The following PPP6R2 variants were observed in gnomAD, a reference collection of about 807,000 sequenced individuals.
The protein encoded by PPP6R2 is protein phosphatase 6 regulatory subunit 2, also known as serine/threonine-protein phosphatase 6 regulatory subunit 2.
A neutral mutation model predicts 100.2 loss-of-function variants in PPP6R2; 62 were observed. That is an observed-to-expected ratio of 0.62 (90% CI 0.50 to 0.76). The LOEUF (loss-of-function observed/expected upper bound fraction) is 0.76, where lower values mean the gene tolerates loss of function less well. Among genes scored for constraint, PPP6R2 ranks in the 30% least tolerant of loss-of-function variants. The probability of loss-of-function intolerance (pLI) is 0.00; values close to 1 mark genes in which losing one functional copy is unlikely to be tolerated. For synonymous variants in PPP6R2, 525 were observed against 514.7 expected (o/e 1.02, Z -0.27); for missense variants, 1,142 against 1,276.3 (o/e 0.89, Z 1.60).
In PPP6R2 at chr22:50,438,202, G is replaced by A; in HGVS notation, c.1868G>A (p.Cys623Tyr). 6.2e-7 allele frequency: 1 copy of A among 1,613,886 alleles called. No individual in the cohort carries two copies. The change falls in exon 18 of 24, where the codon TGC becomes TAC. Residue 623 changes from cysteine to tyrosine, a missense_variant. By Grantham distance (194) the Cys-to-Tyr change is radical (BLOSUM62 -2). This residue lies in a region of PPP6R2 where 550 missense variants were observed against 517.4 expected (regional missense o/e 1.06). Coordinates refer to ENST00000612753, the MANE Select transcript of PPP6R2 (RefSeq NM_001242898.2). Reference protein sequence around the residue: ...SPSAALFEACCSDRIQPFDDD... With the variant: ...SPSAALFEACYSDRIQPFDDD... ...AGCGCAGCTCTGTTTGAGGCCTGCTGCAGTGACCGCATCCAGCCCTTTGAT... is the reference window on the plus strand; with the variant it reads ...AGCGCAGCTCTGTTTGAGGCCTGCTACAGTGACCGCATCCAGCCCTTTGAT...
intron 1 of PPP6R2, among the ~76,000 whole-genome samples, chr22:50,362,952 G>A (rs2048075443): frequency 1.3e-5 from 2 of 152,258 alleles, no homozygotes; most frequent in African/African-American, 4.8e-5. Flanking sequence ...TGGAGGGCAA[G>A]AAGGTGGCTG....
chr22:50,441,601 A>G (rs904001198), intron 22 of PPP6R2, among the ~76,000 whole-genome samples: 57 of 152,288 alleles, frequency 3.7e-4, no homozygotes, highest in African/African-American at 1.3e-3. Flanking sequence ...CACTGGGGGC[A>G]TCCAAATCCT....
At chr22:50,418,168 G>A (rs981313040) in intron 6 of PPP6R2, among the ~76,000 whole-genome samples, 12 of 152,066 alleles carry the variant, frequency 7.9e-5, no homozygotes, top group African/African-American at 2.4e-4. Flanking sequence ...ATTTCAAAAC[G>A]TGGATCACAG....
chr22:50,351,469 C>T (rs1218247310), intron 1 of PPP6R2, among the ~76,000 whole-genome samples: 15 of 151,110 alleles, frequency 9.9e-5, no homozygotes, highest in Non-Finnish European at 1.5e-5. Flanking sequence ...TTGACTTACC[C>T]TGTCTAGCTA....
In PPP6R2 at chr22:50,444,257, C is replaced by G; in HGVS notation, c.*10C>G. The G allele has an allele frequency of 6.2e-7, 1 of 1,612,492 alleles. No homozygotes were observed. The highest frequency in any genetic ancestry group is 1.1e-5 in the South Asian group (1 of 90,898). Reference sequence around the variant, plus strand: ...AAATGGCCCAGTGTGATGCTGCTGCCGCCCGGCCACGGCCCACCCTGGTCA... The same window carrying G: ...AAATGGCCCAGTGTGATGCTGCTGCGGCCCGGCCACGGCCCACCCTGGTCA... On this transcript the variant is annotated 3_prime_UTR_variant, in exon 24 of 24. Transcript: ENST00000612753.
In PPP6R2 at chr22:50,437,906, C is replaced by G; in HGVS notation, c.1839+6C>G. 6.4e-7 allele frequency: 1 copy of G among 1,557,662 alleles called. No individual in the cohort carries two copies. Among genetic ancestry groups the G allele is most frequent in the Non-Finnish European group, 8.7e-7 (1 of 1,150,834 alleles). On this transcript the variant is annotated splice_donor_region_variant and intron_variant, in intron 17 of 23. Transcript: ENST00000612753. Reference sequence around the variant, plus strand: ...TCGACGCTGACGAGGACAGTGTGAGCAAGCCGGGCTGTGTGGGGTGCCGCC... The same window carrying G: ...TCGACGCTGACGAGGACAGTGTGAGGAAGCCGGGCTGTGTGGGGTGCCGCC...
chr22:50,383,227 T>G (rs2053504921), intron 2 of PPP6R2, among the ~76,000 whole-genome samples: 1 of 152,136 alleles, frequency 6.6e-6, no homozygotes. Flanking sequence ...TCAAAGATCT[T>G]GTTTTAAGAT....
chr22:50,437,747 C>G (rs2064677851), intron 16 of PPP6R2, 96 bp from the exon 17 acceptor site: 1 of 1,451,286 alleles, frequency 6.9e-7, no homozygotes, highest in African/African-American at 1.4e-5. Context: ...TGTGAGGGTG[C>G]TGAGGCCCCC....
Position 50,423,415 on chromosome 22 carries a change from C to T in PPP6R2, c.973-47C>T. On this transcript the variant is annotated intron_variant, in intron 9 of 23. Transcript: ENST00000612753. This position sits in a 1 kb window ranked among gnomAD's most constrained non-coding sequence, Gnocchi z 4.8. ...TGAGCCCAGAGACTCCAGCAGTGGC[C>T]TCACTGCTCACAGGGCCTAACTGGG... is the stretch of plus-strand genomic sequence containing the variant. 1 of 1,607,930 alleles carries T rather than the reference C, an allele frequency of 6.2e-7. No homozygotes were observed. The highest frequency in any genetic ancestry group is 8.5e-7 in the Non-Finnish European group (1 of 1,174,856).
intron 3 of PPP6R2, among the ~76,000 whole-genome samples, chr22:50,405,462 G>T (rs1409179332): frequency 6.9e-6 from 1 of 143,980 alleles, no homozygotes; most frequent in Non-Finnish European, 1.5e-5. Context: ...GGAGAGAGGT[G>T]AGAGGCCTGG....
chr22:50,410,772 T>C (rs926763214), intron 4 of PPP6R2, among the ~76,000 whole-genome samples: 1 of 151,994 alleles, frequency 6.6e-6, no homozygotes, highest in Non-Finnish European at 1.5e-5. Flanking sequence ...GGAGGAAACA[T>C]GTCAAAGCAT....
chr22:50,435,488 T>C (rs2064033256), intron 13 of PPP6R2, among the ~76,000 whole-genome samples: 1 of 152,184 alleles, frequency 6.6e-6, no homozygotes, highest in South Asian at 2.1e-4. Context: ...CACTCAGGTG[T>C]GAGATTTCGT....
chr22:50,350,345 C>T (rs909187923), intron 1 of PPP6R2, among the ~76,000 whole-genome samples: 5 of 151,198 alleles, frequency 3.3e-5, no homozygotes, highest in African/African-American at 1.2e-4. Context: ...ATTCTCCTGC[C>T]TCAGCCTCCT....
intron 6 of PPP6R2, 61 bp downstream of exon 6, chr22:50,416,218 A>G (rs553481032): frequency 4.1e-6 from 6 of 1,466,678 alleles, no homozygotes; most frequent in Admixed American, 3.4e-5. Flanking sequence ...CAGGTCACCC[A>G]CTGCTGCGGG....
chr22:50,352,424 CA>C (rs1391446710), intron 1 of PPP6R2, among the ~76,000 whole-genome samples: 4 of 152,054 alleles, frequency 2.6e-5, no homozygotes, highest in African/African-American at 7.2e-5. Context: ...GTCTTCTCTC[CA>C]AACCATTAAA....
rs1180054973 is a variant in PPP6R2, at chr22:50,378,676, G to A, written c.-17+6526G>A. On this transcript the variant is annotated intron_variant, in intron 2 of 23. Transcript: ENST00000612753. ...CCAATGCAATAGTTTTAAGAGGTGG[G>A]GCTTACCAGCCTGAGCAACATGGTG... Among the ~76,000 whole-genome samples, 9 of 151,006 alleles carry A rather than the reference G, an allele frequency of 6.0e-5. No individual in the cohort carries two copies. In the South Asian group the frequency reaches 8.3e-4, roughly 14 times the overall value.
chr22:50,409,768 C>T (rs2059483918), intron 4 of PPP6R2, among the ~76,000 whole-genome samples: 1 of 152,170 alleles, frequency 6.6e-6, no homozygotes, highest in Non-Finnish European at 1.5e-5. Flanking sequence ...GCTTTGTTGC[C>T]AAGGCTGGAG....
chr22:50,376,859 C>T (rs1201417313), intron 2 of PPP6R2, among the ~76,000 whole-genome samples: 5 of 151,962 alleles, frequency 3.3e-5, no homozygotes, highest in Non-Finnish European at 5.9e-5. Context: ...AACCCCGTGT[C>T]TACTAAAAAT....
chr22:50,440,743 TG>T, intron 21 of PPP6R2, 78 bp from the exon 22 acceptor site: 1 of 1,503,814 alleles, frequency 6.6e-7, no homozygotes, highest in Non-Finnish European at 9.2e-7. Context: ...GCCACATGTA[TG>T]GGGACCCTAT....
Sources: allele counts gnomAD v4.1 joint callset (sites outside exome capture counted in the v4.1 genomes callset), GRCh38; gene constraint gnomAD v4.1.1; regional missense constraint gnomAD v4.1.1; non-coding constraint Gnocchi (gnomAD v3.1); transcripts MANE v1.5; gene names NCBI Gene and HGNC (gene_info 2026-07-23, HGNC 2026-07-21).